The following IP6K2 variants were observed in gnomAD, a reference collection of about 807,000 sequenced individuals.
IP6K2 encodes the protein inositol hexakisphosphate kinase 2.
In IP6K2, 9 loss-of-function variants were observed where a neutral mutation model predicts 43.3. That is an observed-to-expected ratio of 0.21 (90% CI 0.13 to 0.36). The LOEUF (loss-of-function observed/expected upper bound fraction) is 0.36, where lower values mean the gene tolerates loss of function less well. Ranked by LOEUF, IP6K2 falls within the 10% of genes least tolerant of loss-of-function variation. The pLI, the probability that IP6K2 is intolerant of heterozygous loss-of-function variation, is 1.00. For synonymous variants in IP6K2, 209 were observed against 202.4 expected, an observed-to-expected ratio of 1.03 and a Z score of -0.28; for missense variants, 332 against 538.4, an observed-to-expected ratio of 0.62 and a Z score of 3.79.
chr3:48,690,250 T>C (rs1433708751), intron 4 of IP6K2, among the ~76,000 whole-genome samples: 12 of 152,236 alleles, frequency 7.9e-5, no homozygotes, highest in Admixed American at 7.9e-4. Context: ...GAATCAGTGC[T>C]CCCAACAGCA....
chr3:48,688,807 G>A lies in IP6K2; in HGVS notation c.781-34C>T. ...GAGAGACCAGCAAGTCAGGGGCTGA[G>A]GGCCATCTCAAACCCTGGACCCCGG... On this transcript the variant is annotated intron_variant, in intron 5 of 5. Transcript: ENST00000328631. The surrounding 1 kb of genome is among the most constrained non-coding windows in gnomAD (Gnocchi z 5.1). 1.9e-6 allele frequency: 3 copies of A among 1,571,346 alleles called. No homozygotes were observed. Among genetic ancestry groups the A allele is most frequent in the Non-Finnish European group, 2.6e-6 (3 of 1,157,682 alleles).
intron 1 of IP6K2, among the ~76,000 whole-genome samples, chr3:48,716,249 A>C (rs1454894654): frequency 1.3e-5 from 2 of 152,240 alleles, no homozygotes; most frequent in East Asian, 3.8e-4. Context: ...CCGATGATCT[A>C]CAACATTTTT....
In IP6K2 at chr3:48,689,599, T is replaced by C; in HGVS notation, c.719A>G (p.Gln240Arg). The C allele has an allele frequency of 6.2e-7, 1 of 1,614,232 alleles. No homozygotes were observed. The highest frequency in any genetic ancestry group is 8.5e-7 in the Non-Finnish European group (1 of 1,180,050). The change falls in exon 5 of 6, where the codon CAG becomes CGG. Residue 240 changes from glutamine to arginine, a missense_variant. Physicochemically the swap from Gln to Arg is conservative, Grantham distance 43 (BLOSUM62 1). Transcript: ENST00000328631. ...TGTGCTCTGCTGACATTTTCGGATCTGGTTGGCTGCCTTCTCCTCTGAAGC... is the reference window on the plus strand; with the variant it reads ...TGTGCTCTGCTGACATTTTCGGATCCGGTTGGCTGCCTTCTCCTCTGAAGC... The part of the protein sequence containing the change: ...DDASEEKAAN[Q>R]IRKCQQSTSA...
intron 2 of IP6K2, chr3:48,694,591 T>C: frequency 6.6e-7 from 1 of 1,523,184 alleles, no homozygotes; most frequent in Non-Finnish European, 8.8e-7. Flanking sequence ...TGCTTTCATA[T>C]AGCAATTTTG....
chr3:48,689,949 C>A (rs531940685), intron 4 of IP6K2, among the ~76,000 whole-genome samples: 164 of 152,308 alleles, frequency 1.1e-3, no homozygotes, highest in African/African-American at 3.3e-3. Flanking sequence ...TCAACAGAGG[C>A]CTAGGCTCTT....
chr3:48,693,857 G>A, intron 2 of IP6K2: 1 of 1,167,800 alleles, frequency 8.6e-7, no homozygotes, highest in Non-Finnish European at 1.1e-6. Context: ...TGGTTGGGGA[G>A]CACAGACATG....
At chr3:48,692,414 A>G (rs1007993126) in intron 3 of IP6K2, among the ~76,000 whole-genome samples, 2 of 152,224 alleles carry the variant, frequency 1.3e-5, no homozygotes, top group African/African-American at 2.4e-5. Context: ...CTCCAGTACA[A>G]CCAGGTTCCC....
In IP6K2 at chr3:48,695,354, C is replaced by G. The variant is rs750148345; in HGVS notation, c.-63G>C. 6.5e-7 allele frequency: 1 copy of G among 1,538,602 alleles called. No homozygotes were observed. The highest frequency in any genetic ancestry group is 1.2e-5 in the South Asian group (1 of 83,782). ...CGGAGTCCAGCGGCCAGTACGTCTT[C>G]TGTCTGTTGTTTGTCCGTGTGTCCC... On this transcript the variant is annotated 5_prime_UTR_variant, in exon 2 of 6. Transcript: ENST00000328631. The surrounding 1 kb of genome is among the most constrained non-coding windows in gnomAD (Gnocchi z 4.6).
intron 1 of IP6K2, among the ~76,000 whole-genome samples, chr3:48,701,401 T>C (rs2079016156): frequency 1.3e-5 from 2 of 151,300 alleles, no homozygotes; most frequent in African/African-American, 2.4e-5. Context: ...ACCCTGTCTC[T>C]ACTAAAAATA....
At chr3:48,706,823 TA>T in intron 1 of IP6K2, among the ~76,000 whole-genome samples, 1 of 152,066 alleles carries the variant, frequency 6.6e-6, no homozygotes, top group East Asian at 1.9e-4. Context: ...CCCAAAAAAA[TA>T]AAAAAGAAAG....
rs927416196 is a variant in IP6K2, at chr3:48,688,651, A to C, written c.903T>G (p.Arg301=). The C allele has an allele frequency of 1.2e-6, 2 of 1,614,122 alleles. No individual in the cohort carries two copies. Among genetic ancestry groups the C allele is most frequent in the Non-Finnish European group, 1.7e-6 (2 of 1,180,050 alleles). ...TCTTGAGCACAGGGCCCAGGAGTTC[A>C]CGGCGCAGGTACCGCCCATTGTGGA... is the stretch of plus-strand genomic sequence containing the variant. The part of the protein sequence containing the change: ...QFFHNGRYLR[R]ELLGPVLKKL... Residue 301 remains arginine, a synonymous_variant, in exon 6 of 6, where the codon CGT becomes CGG. Coordinates refer to ENST00000328631, the MANE Select transcript of IP6K2 (RefSeq NM_016291.4). This position sits in a 1 kb window ranked among gnomAD's most constrained non-coding sequence, Gnocchi z 5.1.
chr3:48,712,724 T>A (rs1307293953), intron 1 of IP6K2, among the ~76,000 whole-genome samples: 1 of 151,128 alleles, frequency 6.6e-6, no homozygotes, highest in Non-Finnish European at 1.5e-5. Flanking sequence ...TATTTAAAAT[T>A]TGTATGTGCA....
chr3:48,713,183 C>T (rs779294899), intron 1 of IP6K2, among the ~76,000 whole-genome samples: 3 of 152,284 alleles, frequency 2.0e-5, no homozygotes, highest in Middle Eastern at 3.4e-3. Context: ...AAGGGGGATG[C>T]GAGATTTTTG....
chr3:48,701,342 G>C (rs1276887715), intron 1 of IP6K2, among the ~76,000 whole-genome samples: 1 of 152,092 alleles, frequency 6.6e-6, no homozygotes, highest in Admixed American at 6.6e-5. Flanking sequence ...TGAGGCGGGC[G>C]GATTGCCTGA....
intron 1 of IP6K2, among the ~76,000 whole-genome samples, chr3:48,703,246 A>G (rs933332883): frequency 6.6e-6 from 1 of 152,232 alleles, no homozygotes; most frequent in African/African-American, 2.4e-5. Flanking sequence ...ATCAGGTGAG[A>G]AAAGACTAGT....
intron 4 of IP6K2, among the ~76,000 whole-genome samples, chr3:48,690,634 C>T (rs2077688040): frequency 6.6e-6 from 1 of 151,530 alleles, no homozygotes; most frequent in South Asian, 2.1e-4. Flanking sequence ...ACTAAAAATA[C>T]AAAAATGAGC....
chr3:48,704,256 A>G (rs2079423051), intron 1 of IP6K2, among the ~76,000 whole-genome samples: 1 of 152,154 alleles, frequency 6.6e-6, no homozygotes, highest in Non-Finnish European at 1.5e-5. Context: ...ACTACCATCA[A>G]CCTCAGGAAA....
intron 1 of IP6K2, among the ~76,000 whole-genome samples, chr3:48,710,280 C>A (rs1285521087): frequency 1.3e-5 from 2 of 152,164 alleles, no homozygotes; most frequent in Non-Finnish European, 2.9e-5. Context: ...GTCCTAGCTA[C>A]TCAGAAGGCT....
Position 48,688,639 on chromosome 3 carries a change from G to A in IP6K2, c.915C>T (p.Gly305=). ...GCTCAGTCAGCTTCTTGAGCACAGG[G>A]CCCAGGAGTTCACGGCGCAGGTACC... The part of the protein sequence containing the change: ...NGRYLRRELL[G]PVLKKLTELK... Residue 305 remains glycine (G), a synonymous_variant, in exon 6 of 6, where the codon GGC becomes GGT. Transcript: ENST00000328631. The surrounding 1 kb of genome is among the most constrained non-coding windows in gnomAD (Gnocchi z 5.1). The A allele has an allele frequency of 1.2e-6, 2 of 1,614,222 alleles. No individual in the cohort carries two copies. Among genetic ancestry groups the A allele is most frequent in the Non-Finnish European group, 1.7e-6 (2 of 1,180,050 alleles).
Sources: gnomAD v4.1 joint callset for allele counts (sites outside exome capture counted in the v4.1 genomes callset) on GRCh38, gnomAD v4.1.1 for gene constraint, Gnocchi (gnomAD v3.1) non-coding constraint, MANE v1.5 for transcripts, NCBI Gene and HGNC (gene_info 2026-07-23, HGNC 2026-07-21) for gene names.